Variants in PHACTR3 observed in about 807,000 individuals in gnomAD.
PHACTR3 encodes protein phosphatase 1, regulatory subunit 123.
Under a neutral mutation model 66.8 loss-of-function variants are expected in PHACTR3, and 16 were observed. That is an observed-to-expected ratio of 0.24 (90% CI 0.16 to 0.36). The LOEUF is 0.36. Among genes scored for constraint, PHACTR3 ranks in the 10% least tolerant of loss-of-function variants. PHACTR3 has a pLI of 1.00. For missense variants in PHACTR3, 647 were observed against 719.9 expected, an observed-to-expected ratio of 0.90 and a Z score of 1.16; for synonymous variants, 323 against 292.1, an observed-to-expected ratio of 1.11 and a Z score of -1.08.
At chr20:59,707,680 G>C (rs1342180060) in intron 1 of PHACTR3, among the ~76,000 whole-genome samples, 66 of 151,992 alleles carry the variant, frequency 4.3e-4, no homozygotes, top group Non-Finnish European at 1.0e-4. Flanking sequence ...GCCCAGGCTG[G>C]TCTTGAACTC....
At chr20:59,673,342 C>G (rs1244508991) in intron 1 of PHACTR3, among the ~76,000 whole-genome samples, 4 of 152,208 alleles carry the variant, frequency 2.6e-5, no homozygotes, top group African/African-American at 9.6e-5. Flanking sequence ...GTATTGGAAG[C>G]CCCCATCAAA....
At chr20:59,753,944 C>T (rs778242709) in intron 3 of PHACTR3, among the ~76,000 whole-genome samples, 16 of 152,150 alleles carry the variant, frequency 1.1e-4, no homozygotes, top group East Asian at 1.9e-4. Flanking sequence ...CAGGATGGGA[C>T]GTGTGTGGAA....
At chr20:59,660,952 G>T (rs1404685681) in intron 1 of PHACTR3, among the ~76,000 whole-genome samples, 1 of 152,162 alleles carries the variant, frequency 6.6e-6, no homozygotes, top group Non-Finnish European at 1.5e-5. Flanking sequence ...TATATTCTTT[G>T]TTTTTCCATA....
At chr20:59,637,156 T>C (rs930801510) in intron 1 of PHACTR3, among the ~76,000 whole-genome samples, 4 of 152,180 alleles carry the variant, frequency 2.6e-5, no homozygotes, top group Admixed American at 2.6e-4. Flanking sequence ...GGTCTGAAGG[T>C]GAGCAGTACC....
intron 12 of PHACTR3, among the ~76,000 whole-genome samples, chr20:59,846,182 C>CTT (rs1451610744): frequency 2.6e-5 from 4 of 152,126 alleles, no homozygotes; most frequent in Non-Finnish European, 4.4e-5. Context: ...CTGCCTTAAA[C>CTT]TAAAATAATA....
At chr20:59,753,284 T>A (rs774438540) in intron 3 of PHACTR3, among the ~76,000 whole-genome samples, 1 of 152,200 alleles carries the variant, frequency 6.6e-6, no homozygotes. Flanking sequence ...CTGACGCGGC[T>A]GCATGGATGA....
chr20:59,634,907 G>A (rs925488168), intron 1 of PHACTR3, among the ~76,000 whole-genome samples: 1 of 152,130 alleles, frequency 6.6e-6, no homozygotes, highest in Non-Finnish European at 1.5e-5. Flanking sequence ...ATAGCCACCT[G>A]TGGCTAATGG....
At chr20:59,711,271 G>C (rs182754780) in intron 1 of PHACTR3, among the ~76,000 whole-genome samples, 3 of 152,156 alleles carry the variant, frequency 2.0e-5, no homozygotes, top group Non-Finnish European at 4.4e-5. Context: ...GTAAGGCTTT[G>C]TCTCTATCTC....
In PHACTR3 at chr20:59,749,688, G is replaced by A. The variant is rs116854696; in HGVS notation, c.358+1853G>A. 4.2e-3 allele frequency among the ~76,000 whole-genome samples: 641 copies of A among 152,324 alleles called. 4 individuals are homozygous for A. Among genetic ancestry groups the A allele is most frequent in the Non-Finnish European group, 6.0e-3 (410 of 68,030 alleles). On this transcript the variant is annotated intron_variant, in intron 3 of 12. Transcript: ENST00000371015. ...GTCTCTGTTGCAACTACTTGTCTCT[G>A]CTTTTGTAGCGCAAAGGCAGCCGGA... is the stretch of plus-strand genomic sequence containing the variant.
At chr20:59,691,416 C>T (rs570422801) in intron 1 of PHACTR3, among the ~76,000 whole-genome samples, 22 of 152,252 alleles carry the variant, frequency 1.4e-4, no homozygotes, top group African/African-American at 4.8e-4. Flanking sequence ...GAATGATAAT[C>T]GCTTTTCTCT....
chr20:59,692,635 A>G (rs935053155), intron 1 of PHACTR3, among the ~76,000 whole-genome samples: 5 of 152,214 alleles, frequency 3.3e-5, no homozygotes. Context: ...ACTGAGCACT[A>G]AAAAGGTGAA....
chr20:59,583,798 G>A (rs1185569666), intron 1 of PHACTR3, among the ~76,000 whole-genome samples: 1 of 152,264 alleles, frequency 6.6e-6, no homozygotes, highest in African/African-American at 2.4e-5. Context: ...TTTGCATTGG[G>A]CAGGGGGAGT....
At chr20:59,674,691 TCCTGCCTTCTCCTGTC>T (rs2036357410) in intron 1 of PHACTR3, among the ~76,000 whole-genome samples, 1 of 109,510 alleles carries the variant, frequency 9.1e-6, no homozygotes, top group African/African-American at 3.7e-5. Flanking sequence ...CTTCTCCTGT[TCCTGCCTTCTCCTGTC>T]CCCCCTTCTC....
At chr20:59,816,449 T>C (rs1016269952) in intron 8 of PHACTR3, among the ~76,000 whole-genome samples, 1 of 152,186 alleles carries the variant, frequency 6.6e-6, no homozygotes, top group East Asian at 1.9e-4. Flanking sequence ...GCCTCCACTT[T>C]GCATGTGAGG....
intron 8 of PHACTR3, among the ~76,000 whole-genome samples, chr20:59,808,017 A>G (rs1365788801): frequency 2.6e-5 from 4 of 152,118 alleles, no homozygotes; most frequent in South Asian, 4.1e-4. Flanking sequence ...GGACTGTCTC[A>G]TGGGGCAGGA....
At chr20:59,654,807 C>T (rs990568515) in intron 1 of PHACTR3, among the ~76,000 whole-genome samples, 1 of 152,054 alleles carries the variant, frequency 6.6e-6, no homozygotes, top group Non-Finnish European at 1.5e-5. Flanking sequence ...TAGATTATCA[C>T]ATAAGTGCAG....
At chr20:59,724,059 C>T (rs1375371294) in intron 1 of PHACTR3, among the ~76,000 whole-genome samples, 3 of 152,156 alleles carry the variant, frequency 2.0e-5, no homozygotes, top group Non-Finnish European at 4.4e-5. Flanking sequence ...CATGGTCACA[C>T]CTGACCTGAG....
At chr20:59,578,151 G>GT (rs753491666) in intron 1 of PHACTR3, among the ~76,000 whole-genome samples, 3 of 152,246 alleles carry the variant, frequency 2.0e-5, no homozygotes, top group African/African-American at 7.2e-5. Context: ...CCTGGAGAGG[G>GT]TCCAGCTGCA....
chr20:59,762,555 C>T (rs889405623), intron 4 of PHACTR3, among the ~76,000 whole-genome samples: 2 of 152,094 alleles, frequency 1.3e-5, no homozygotes, highest in African/African-American at 4.8e-5. Flanking sequence ...TGGGTAGTAC[C>T]GAGGGTCAGG....
Sources: allele counts gnomAD v4.1 joint callset (sites outside exome capture counted in the v4.1 genomes callset), GRCh38; gene constraint gnomAD v4.1.1; transcripts MANE v1.5; gene names NCBI Gene and HGNC (gene_info 2026-07-23, HGNC 2026-07-21).